SLC7A8: variants seen among roughly 807,000 people sequenced by gnomAD.
The protein encoded by SLC7A8 is large neutral amino acids transporter small subunit 2.
A neutral mutation model predicts 51.2 loss-of-function variants in SLC7A8; 30 were observed. That is an observed-to-expected ratio of 0.59 (90% CI 0.44 to 0.80). The LOEUF (loss-of-function observed/expected upper bound fraction) is 0.80. Among genes scored for constraint, SLC7A8 ranks in the 30% least tolerant of loss-of-function variants. The pLI, the probability that SLC7A8 is intolerant of heterozygous loss-of-function variation, is 0.00. For synonymous variants in SLC7A8, 257 were observed against 275.8 expected (o/e 0.93, Z 0.67); for missense variants, 612 against 674.4 (o/e 0.91, Z 1.03).
chr14:23,131,203 G>A (rs2048628990), intron 8 of SLC7A8, among the ~76,000 whole-genome samples: 1 of 152,178 alleles, frequency 6.6e-6, no homozygotes, highest in East Asian at 1.9e-4. Context: ...AGTTCAGTCT[G>A]ACCCAAAAGG....
intron 4 of SLC7A8, 92 bp from the exon 5 acceptor site, chr14:23,140,716 T>TTGAGGAAA: frequency 7.9e-7 from 1 of 1,263,866 alleles, no homozygotes; most frequent in Non-Finnish European, 1.1e-6. Flanking sequence ...CACCCCTCCC[T>TTGAGGAAA]GTGGCAATGA....
chr14:23,159,086 A>C (rs946757308), intron 3 of SLC7A8, among the ~76,000 whole-genome samples: 19 of 151,984 alleles, frequency 1.3e-4, no homozygotes, highest in African/African-American at 4.6e-4. Context: ...TTTCCCCATC[A>C]CATTGTATTG....
chr14:23,161,690 G>A (rs896195119), intron 3 of SLC7A8, among the ~76,000 whole-genome samples: 4 of 152,166 alleles, frequency 2.6e-5, no homozygotes, highest in African/African-American at 9.7e-5. Context: ...CACTTTGGGA[G>A]GCTGAGGCGG....
chr14:23,183,017 A>G lies in SLC7A8; in HGVS notation c.-103T>C, dbSNP rs1238576783. ...CTTTGAATTAGAACGTCCTTTTCCG[A>G]AATAGGAACCACTGCTACTCTCTAA... On this transcript the variant is annotated 5_prime_UTR_variant, in exon 1 of 11. Coordinates refer to ENST00000316902, the MANE Select transcript of SLC7A8 (RefSeq NM_012244.4). 8.9e-6 allele frequency: 13 copies of G among 1,458,752 alleles called. No individual in the cohort carries two copies. Among genetic ancestry groups the G allele is most frequent in the Non-Finnish European group, 1.0e-5 (11 of 1,052,226 alleles). The allele number at this position is 1,458,752 out of a possible 1,614,324, so 90.4% of individuals were successfully genotyped here.
At chr14:23,158,162 A>G (rs929318524) in intron 3 of SLC7A8, among the ~76,000 whole-genome samples, 1 of 152,214 alleles carries the variant, frequency 6.6e-6, no homozygotes, top group Non-Finnish European at 1.5e-5. Context: ...CTAGCCCATC[A>G]TGGGCACTGA....
intron 1 of SLC7A8, among the ~76,000 whole-genome samples, chr14:23,167,498 G>C (rs1283819748): frequency 1.3e-5 from 2 of 151,966 alleles, no homozygotes; most frequent in African/African-American, 4.8e-5. Context: ...TTGTGTGCAG[G>C]GGCTGGTTTT....
intron 3 of SLC7A8, among the ~76,000 whole-genome samples, chr14:23,160,697 C>T (rs960215770): frequency 1.1e-4 from 16 of 152,110 alleles, no homozygotes; most frequent in Non-Finnish European, 2.1e-4. Flanking sequence ...AGCTACTGGC[C>T]AGCGGCTGAT....
At chr14:23,149,579 C>T (rs2048828554) in intron 3 of SLC7A8, among the ~76,000 whole-genome samples, 1 of 152,174 alleles carries the variant, frequency 6.6e-6, no homozygotes, top group African/African-American at 2.4e-5. Flanking sequence ...AGATTATTAT[C>T]CCAAGAGTCC....
intron 1 of SLC7A8, among the ~76,000 whole-genome samples, chr14:23,173,250 C>G (rs569525931): frequency 6.6e-6 from 1 of 152,260 alleles, no homozygotes; most frequent in East Asian, 1.9e-4. Context: ...AGAGCAGAAG[C>G]TGCATGAGGG....
At position 23,182,776 on chromosome 14, in the gene SLC7A8, C is replaced by T. The variant is rs749575207; in HGVS notation, c.139G>A (p.Gly47Ser). 5 of 1,594,850 alleles carry T rather than the reference C, an allele frequency of 3.1e-6. No individual in the cohort carries two copies. The South Asian group carries it at 3.4e-5, about 11-fold the overall frequency. ...GAATGGAACTCACCTACGATGATAC[C>T]ACAGGCACTGACCAATCCGATCTCT... ...KKEIGLVSAC[G>S]IIVGNIIGSG... Residue 47 changes from glycine to serine, a missense_variant, in exon 1 of 11, where the codon GGT (glycine) becomes AGT (serine). By Grantham distance (56) the Gly-to-Ser change is moderately conservative. Coordinates refer to ENST00000316902, the MANE Select transcript of SLC7A8 (RefSeq NM_012244.4).
chr14:23,160,699 G>C (rs1389747509), intron 3 of SLC7A8, among the ~76,000 whole-genome samples: 1 of 152,144 alleles, frequency 6.6e-6, no homozygotes, highest in African/African-American at 2.4e-5. Context: ...CTACTGGCCA[G>C]CGGCTGATGA....
chr14:23,167,829 C>T (rs2048957566), intron 1 of SLC7A8, among the ~76,000 whole-genome samples: 1 of 152,032 alleles, frequency 6.6e-6, no homozygotes, highest in African/African-American at 2.4e-5. Flanking sequence ...CTCAAGCCTC[C>T]GTGATCTCTC....
intron 3 of SLC7A8, among the ~76,000 whole-genome samples, chr14:23,157,013 A>G (rs1030368655): frequency 3.3e-5 from 5 of 152,258 alleles, no homozygotes; most frequent in East Asian, 1.9e-4. Context: ...CATTGTAGAC[A>G]TAAGAGTCCA....
intron 3 of SLC7A8, among the ~76,000 whole-genome samples, chr14:23,151,529 G>A (rs927008560): frequency 6.6e-6 from 1 of 152,052 alleles, no homozygotes; most frequent in Non-Finnish European, 1.5e-5. Flanking sequence ...GACTGAGGTG[G>A]GAGGATCAAT....
chr14:23,134,542 T>TA (rs1274944444), intron 7 of SLC7A8, among the ~76,000 whole-genome samples: 2 of 151,864 alleles, frequency 1.3e-5, no homozygotes, highest in African/African-American at 4.8e-5. Flanking sequence ...TTTTTTAACT[T>TA]AAAAAATTAA....
At chr14:23,152,043 A>C (rs2048851914) in intron 3 of SLC7A8, among the ~76,000 whole-genome samples, 1 of 151,834 alleles carries the variant, frequency 6.6e-6, no homozygotes, top group African/African-American at 2.4e-5. Context: ...ACCTCAAACA[A>C]AACAAAACAA....
intron 1 of SLC7A8, among the ~76,000 whole-genome samples, chr14:23,178,885 CAAAAAAAAAAAA>C (rs386380884): frequency 1.3e-5 from 1 of 78,756 alleles, no homozygotes. Flanking sequence ...ATCTTGTCTC[CAAAAAAAAAAAA>C]AAAAAAAAAA....
At position 23,139,458 on chromosome 14, in the gene SLC7A8, G is replaced by A. The variant is rs1444346596; in HGVS notation, c.878C>T (p.Pro293Leu). The A allele has an allele frequency of 1.9e-6, 3 of 1,614,120 alleles. No homozygotes were observed. Among genetic ancestry groups the A allele is most frequent in the Non-Finnish European group, 2.5e-6 (3 of 1,179,994 alleles). ...ANVAYVTAMS[P>L]QELLASNAVA... The stretch of plus-strand genomic sequence containing the variant: ...GGCGTTGGATGCCAGCAGCTCCTGG[G>A]GGGACATTGCAGTGACATAAGCGAC... The change falls in exon 6 of 11, where the codon CCC becomes CTC. Residue 293 changes from proline (P) to leucine (L), a missense_variant. By Grantham distance (98) the Pro-to-Leu change is moderately conservative. Coordinates refer to ENST00000316902, the MANE Select transcript of SLC7A8 (RefSeq NM_012244.4).
chr14:23,132,884 C>T (rs893660628), intron 7 of SLC7A8, among the ~76,000 whole-genome samples: 8 of 152,036 alleles, frequency 5.3e-5, no homozygotes, highest in Non-Finnish European at 8.8e-5. Flanking sequence ...GATCTGCCCG[C>T]CTCGGCCTCC....
Sources: gnomAD v4.1 joint callset for allele counts (sites outside exome capture counted in the v4.1 genomes callset) on GRCh38, gnomAD v4.1.1 for gene constraint, MANE v1.5 for transcripts, NCBI Gene and HGNC (gene_info 2026-07-23, HGNC 2026-07-21) for gene names.